Variants in HMGCL observed in about 807,000 individuals in gnomAD.
HMGCL encodes 3-hydroxy-3-methylglutaryl-CoA lyase.
HMGCL carries 26 observed loss-of-function variants against 37.3 expected under a neutral mutation model. The observed-to-expected ratio is 0.70, with a 90% CI of 0.51 to 0.97. The LOEUF (loss-of-function observed/expected upper bound fraction) is 0.97, where lower values mean the gene tolerates loss of function less well. HMGCL is among the 50% of genes least tolerant of loss of function. The pLI, the probability that HMGCL is intolerant of heterozygous loss-of-function variation, is 0.00. For synonymous variants in HMGCL, 151 were observed against 148.0 expected, an observed-to-expected ratio of 1.02 and a Z score of -0.15; for missense variants, 379 against 398.1, an observed-to-expected ratio of 0.95 and a Z score of 0.41.
chr1:23,819,630 G>A (rs994663889), intron 2 of HMGCL, among the ~76,000 whole-genome samples: 6 of 152,138 alleles, frequency 3.9e-5, no homozygotes, highest in Admixed American at 2.0e-4. Flanking sequence ...TCGGGAGGCT[G>A]AGGCAGGAGA....
chr1:23,804,420 C>T lies in HMGCL; in HGVS notation c.856G>A (p.Glu286Lys). The T allele has an allele frequency of 6.2e-7, 1 of 1,614,236 alleles. No homozygotes were observed. The highest frequency in any genetic ancestry group is 8.5e-7 in the Non-Finnish European group (1 of 1,180,038). Residue 286 changes from glutamate to lysine, a missense_variant, in exon 8 of 9, where the codon GAG (glutamate) becomes AAG (lysine). Transcript: ENST00000374490. ...CTTACCGTGTGAATGCCCAAGCCCT[C>T]TAGCATGTAGACCAGGTCTTCTGTG... Reference protein sequence around the residue: ...LATEDLVYMLEGLGIHTGVNL... With the variant: ...LATEDLVYMLKGLGIHTGVNL...
chr1:23,815,636 C>T (rs1638598322), intron 4 of HMGCL, among the ~76,000 whole-genome samples: 1 of 151,874 alleles, frequency 6.6e-6, no homozygotes, highest in Admixed American at 6.6e-5. Flanking sequence ...GCTAGGATTA[C>T]AGGTACCTGC....
chr1:23,816,987 G>A (rs1430633077), intron 3 of HMGCL, among the ~76,000 whole-genome samples: 1 of 152,132 alleles, frequency 6.6e-6, no homozygotes, highest in African/African-American at 2.4e-5. Flanking sequence ...TCTCCATATG[G>A]CCCATACTGC....
intron 2 of HMGCL, among the ~76,000 whole-genome samples, chr1:23,818,196 C>T (rs1383437057): frequency 3.3e-5 from 5 of 152,200 alleles, no homozygotes; most frequent in Admixed American, 6.5e-5. Flanking sequence ...CATTGGCTCA[C>T]GCCTGTAATC....
In HMGCL at chr1:23,814,341, G is replaced by T. The variant is rs777476731; in HGVS notation, c.349-3C>A. ...ACTTCCTTGGCTCCAGCAGCAACCT[G>T]CCAACATCCAGGTGAACTCCTTTCA... On this transcript the variant is annotated splice_polypyrimidine_tract_variant and splice_region_variant and intron_variant, in intron 4 of 8. Transcript: ENST00000374490. 80 of 1,612,926 alleles carry T rather than the reference G, an allele frequency of 5.0e-5. No homozygotes were observed. Among genetic ancestry groups the T allele is most frequent in the Non-Finnish European group, 6.5e-5 (77 of 1,179,858 alleles).
At chr1:23,814,021 T>A in intron 5 of HMGCL, 169 bp downstream of exon 5, 1 of 743,416 alleles carries the variant, frequency 1.3e-6, no homozygotes, top group Non-Finnish European at 2.3e-6. Context: ...AGAAAGTACT[T>A]CCTAGGATTT....
chr1:23,821,871 T>C (rs550309619), intron 1 of HMGCL, among the ~76,000 whole-genome samples: 2 of 152,196 alleles, frequency 1.3e-5, no homozygotes, highest in East Asian at 3.9e-4. Context: ...AAACTGGCTG[T>C]TCTTACATCT....
intron 2 of HMGCL, among the ~76,000 whole-genome samples, chr1:23,820,182 T>C (rs1399470392): frequency 6.6e-6 from 1 of 152,156 alleles, no homozygotes; most frequent in Non-Finnish European, 1.5e-5. Context: ...ATTCAGTTTA[T>C]ATATATACAT....
rs774925496 is a variant in HMGCL, at chr1:23,801,895, C to T, written c.*568G>A. ...AACCGAATGCTGGAATTATGATGTGCCATTCAACCTTTAATTACATAAGCT... is the reference window on the plus strand; with the variant it reads ...AACCGAATGCTGGAATTATGATGTGTCATTCAACCTTTAATTACATAAGCT... On this transcript the variant is annotated 3_prime_UTR_variant, in exon 9 of 9. Coordinates refer to ENST00000374490, the MANE Select transcript of HMGCL (RefSeq NM_000191.3). The T allele has an allele frequency of 2.4e-6, 1 of 416,306 alleles. No individual in the cohort carries two copies. Among genetic ancestry groups the T allele is most frequent in the Non-Finnish European group, 4.3e-6 (1 of 235,038 alleles). 25.8% of individuals were successfully genotyped at this position (416,306 alleles called of 1,614,324 possible).
chr1:23,804,885 C>G (rs1188846220), intron 7 of HMGCL, among the ~76,000 whole-genome samples: 2 of 130,512 alleles, frequency 1.5e-5, no homozygotes, highest in Admixed American at 7.6e-5. Flanking sequence ...TACCCCCCCC[C>G]CACTTACCCC....
chr1:23,808,737 T>A (rs1638459354), intron 6 of HMGCL, among the ~76,000 whole-genome samples: 1 of 111,718 alleles, frequency 9.0e-6, no homozygotes, highest in Non-Finnish European at 1.7e-5. Flanking sequence ...AGTTATATTT[T>A]TTTTCTTTTT....
At chr1:23,822,658 T>C (rs1270311726) in intron 1 of HMGCL, among the ~76,000 whole-genome samples, 1 of 152,176 alleles carries the variant, frequency 6.6e-6, no homozygotes, top group Non-Finnish European at 1.5e-5. Context: ...CGATGAGCCA[T>C]TGAATTTCAT....
chr1:23,804,879 C>T (rs181040879), intron 7 of HMGCL, among the ~76,000 whole-genome samples: 10 of 123,772 alleles, frequency 8.1e-5, no homozygotes, highest in Non-Finnish European at 1.2e-4. Context: ...ATTTATTACC[C>T]CCCCCCCACT....
At chr1:23,808,083 GCT>G in intron 7 of HMGCL, 50 bp downstream of exon 7, 6 of 1,492,138 alleles carry the variant, frequency 4.0e-6, no homozygotes, top group Non-Finnish European at 5.6e-6. Flanking sequence ...ATGATAACAA[GCT>G]GTCCTGCCCA....
chr1:23,814,372 T>C lies in HMGCL; in HGVS notation c.349-34A>G, dbSNP rs778296783. On this transcript the variant is annotated intron_variant, in intron 4 of 8. Coordinates refer to ENST00000374490, the MANE Select transcript of HMGCL (RefSeq NM_000191.3). ...ATCCAGGTGAACTCCTTTCAGCACT[T>C]TTCTCTTTTTTTGTTTGAGATGGAG... is the stretch of plus-strand genomic sequence containing the variant. The C allele has an allele frequency of 5.0e-6, 8 of 1,610,572 alleles. No homozygotes were observed. In the South Asian group the frequency reaches 7.7e-5, roughly 15 times the overall value.
intron 1 of HMGCL, among the ~76,000 whole-genome samples, chr1:23,823,096 A>G (rs1638751033): frequency 1.3e-5 from 2 of 150,276 alleles, no homozygotes; most frequent in Non-Finnish European, 2.9e-5. Context: ...GAATTGCTTG[A>G]ACCCAGGAGG....
chr1:23,802,931 A>G (rs968050293), intron 8 of HMGCL, among the ~76,000 whole-genome samples: 1 of 152,246 alleles, frequency 6.6e-6, no homozygotes, highest in Non-Finnish European at 1.5e-5. Flanking sequence ...GGATAAAAAC[A>G]CCAACTGAAA....
intron 7 of HMGCL, 142 bp from the exon 8 acceptor site, chr1:23,804,667 A>C: frequency 1.1e-6 from 1 of 897,034 alleles, no homozygotes; most frequent in South Asian, 1.4e-5. Flanking sequence ...TTGACATGAC[A>C]ATCCCACAGA....
At chr1:23,816,009 C>A (rs1043990715) in intron 4 of HMGCL, among the ~76,000 whole-genome samples, 3 of 151,730 alleles carry the variant, frequency 2.0e-5, no homozygotes, top group African/African-American at 7.3e-5. Context: ...GCCTCGAACT[C>A]CTAGTCTCAA....
Sources: gnomAD v4.1 joint callset for allele counts (sites outside exome capture counted in the v4.1 genomes callset) on GRCh38, gnomAD v4.1.1 for gene constraint, MANE v1.5 for transcripts, NCBI Gene and HGNC (gene_info 2026-07-23, HGNC 2026-07-21) for gene names.